CNTN5: variants seen among roughly 807,000 people sequenced by gnomAD.
CNTN5 encodes contactin 5, also known as contactin-5.
Under a neutral mutation model 129.1 loss-of-function variants are expected in CNTN5, and 77 were observed. The observed-to-expected ratio is 0.60, with a 90% CI of 0.50 to 0.72. The LOEUF (loss-of-function observed/expected upper bound fraction) is 0.72, where lower values mean the gene tolerates loss of function less well. CNTN5 is among the 30% of genes least tolerant of loss of function. The probability of loss-of-function intolerance (pLI) is 0.00; values close to 1 mark genes in which losing one functional copy is unlikely to be tolerated. For missense variants in CNTN5, 1,478 were observed against 1,328.8 expected (o/e 1.11, Z -1.75); for synonymous variants, 509 against 465.6 (o/e 1.09, Z -1.20).
intron 2 of CNTN5, among the ~76,000 whole-genome samples, chr11:99,330,952 A>G (rs1865974479): frequency 6.6e-6 from 1 of 152,072 alleles, no homozygotes; most frequent in Non-Finnish European, 1.5e-5. Context: ...ACATGTGCAC[A>G]CACACACATT....
chr11:99,757,315 T>G (rs187879747), intron 3 of CNTN5, among the ~76,000 whole-genome samples: 1 of 152,156 alleles, frequency 6.6e-6, no homozygotes, highest in East Asian at 1.9e-4. Flanking sequence ...TAATTAATTA[T>G]AAGTTCATTT....
chr11:99,159,640 CAAAT>C (rs1330023214), intron 1 of CNTN5, among the ~76,000 whole-genome samples: 2 of 152,014 alleles, frequency 1.3e-5, no homozygotes, highest in Admixed American at 1.3e-4. Context: ...AATAAATAAA[CAAAT>C]AAAGTATAGT....
At chr11:99,438,976 C>T (rs940487682) in intron 2 of CNTN5, among the ~76,000 whole-genome samples, 4 of 152,042 alleles carry the variant, frequency 2.6e-5, no homozygotes, top group African/African-American at 4.8e-5. Context: ...CAAAATCACA[C>T]ATAAGTTAAA....
chr11:100,211,223 G>A (rs1949023288), intron 15 of CNTN5, among the ~76,000 whole-genome samples: 1 of 152,044 alleles, frequency 6.6e-6, no homozygotes, highest in Admixed American at 6.6e-5. Flanking sequence ...CAGTAGTAAA[G>A]GTAACATGCT....
chr11:99,089,039 A>C (rs1002172006), intron 1 of CNTN5, among the ~76,000 whole-genome samples: 1 of 147,814 alleles, frequency 6.8e-6, no homozygotes, highest in African/African-American at 2.4e-5. Flanking sequence ...TAACCGATTA[A>C]AAAAATTGAA....
rs756516824 is a variant in CNTN5 at position 100,357,086 on chromosome 11, A to G, written c.*866A>G. The G allele has an allele frequency of 1.3e-5, 2 of 151,756 alleles. No individual in the cohort carries two copies. Among genetic ancestry groups the G allele is most frequent in the Non-Finnish European group, 2.9e-5 (2 of 67,802 alleles). 9.4% of individuals were successfully genotyped at this position (151,756 alleles called of 1,614,324 possible). ...TGGGACAGAGCGTTTCCATTTCTTT[A>G]CCTACTGCCAAAACAGATGTTGAAT... On this transcript the variant is annotated 3_prime_UTR_variant, in exon 25 of 25. Coordinates refer to ENST00000524871, the MANE Select transcript of CNTN5 (RefSeq NM_014361.4).
At chr11:99,798,470 A>G (rs1804148394) in intron 3 of CNTN5, among the ~76,000 whole-genome samples, 1 of 152,174 alleles carries the variant, frequency 6.6e-6, no homozygotes, top group African/African-American at 2.4e-5. Flanking sequence ...GGTCCAGGTC[A>G]TTCTTCTGCG....
At chr11:100,106,875 C>T (rs1474687065) in intron 13 of CNTN5, among the ~76,000 whole-genome samples, 1 of 151,934 alleles carries the variant, frequency 6.6e-6, no homozygotes, top group Non-Finnish European at 1.5e-5. Flanking sequence ...AGTAAAATAT[C>T]CTACTGTTTT....
chr11:100,054,172 G>T (rs867955613), intron 9 of CNTN5, among the ~76,000 whole-genome samples: 9 of 151,628 alleles, frequency 5.9e-5, no homozygotes, highest in African/African-American at 2.2e-4. Context: ...AGTGAGAGCA[G>T]CACAAAAGAA....
intron 3 of CNTN5, among the ~76,000 whole-genome samples, chr11:99,769,796 A>G (rs1238780987): frequency 1.4e-5 from 2 of 142,698 alleles, no homozygotes; most frequent in African/African-American, 2.7e-5. Context: ...AGACTGGGCA[A>G]TAGAGTGAGA....
intron 9 of CNTN5, among the ~76,000 whole-genome samples, chr11:100,057,750 C>T (rs1417962592): frequency 6.6e-6 from 1 of 151,922 alleles, no homozygotes; most frequent in East Asian, 1.9e-4. Flanking sequence ...GGTCCGTGCT[C>T]CTAACCAATA....
chr11:100,195,667 A>G lies in CNTN5; in HGVS notation c.1884+2004A>G, dbSNP rs571128030. ...TTTAGCTTTAAGGTATAAAGCCAAA[A>G]TATACTTTTAGTATGCATATGTATT... On this transcript the variant is annotated intron_variant, in intron 15 of 24. Transcript: ENST00000524871. Among the ~76,000 whole-genome samples, 3 of 152,114 alleles carry G rather than the reference A, an allele frequency of 2.0e-5. No homozygotes were observed. The East Asian group carries it at 5.8e-4, about 30-fold the overall frequency.
chr11:99,467,531 G>C (rs56778751), intron 2 of CNTN5, among the ~76,000 whole-genome samples: 1 of 151,972 alleles, frequency 6.6e-6, no homozygotes, highest in African/African-American at 2.4e-5. Flanking sequence ...TCATCTGCTC[G>C]GTTAACTCAT....
intron 3 of CNTN5, among the ~76,000 whole-genome samples, chr11:99,813,400 A>G (rs1321034164): frequency 2.0e-5 from 3 of 152,172 alleles, no homozygotes; most frequent in African/African-American, 4.8e-5. Flanking sequence ...GATTTACCAA[A>G]TGGTCTATCT....
chr11:100,166,944 C>T (rs1354655556), intron 13 of CNTN5, among the ~76,000 whole-genome samples: 1 of 151,714 alleles, frequency 6.6e-6, no homozygotes, highest in Non-Finnish European at 1.5e-5. Context: ...AAAGAAATTG[C>T]CTGTAAGTGA....
chr11:99,309,485 T>C (rs1686809382), intron 1 of CNTN5, among the ~76,000 whole-genome samples: 1 of 152,252 alleles, frequency 6.6e-6, no homozygotes, highest in Non-Finnish European at 1.5e-5. Flanking sequence ...CTTCACTTGC[T>C]TTCTGCCTCC....
rs537369741 is a variant in CNTN5 at position 99,712,603 on chromosome 11, TGGTTTTA to T, written c.56-106928_56-106922del. Among the ~76,000 whole-genome samples, 300 of 152,298 alleles carry T rather than the reference TGGTTTTA, an allele frequency of 2.0e-3. 1 individual carries two copies. The highest frequency in any genetic ancestry group is 4.7e-3 in the African/African-American group (197 of 41,576). ...CCTAGGTTTTCTTCTAGGGTTTTTA[TGGTTTTA>T]GGTTTTAGGTTTAAGTCTTTAATCC... On this transcript the variant is annotated intron_variant, in intron 3 of 24. Transcript: ENST00000524871.
In CNTN5 at chr11:99,624,169, T is replaced by C. The variant is rs114422526; in HGVS notation, c.55+67900T>C. 3.0e-3 allele frequency among the ~76,000 whole-genome samples: 454 copies of C among 152,208 alleles called. 2 individuals carry two copies. The highest frequency in any genetic ancestry group is 0.01 in the African/African-American group (420 of 41,538). ...TTTTGTACTGTGTCCTTAGGAATAC[T>C]GAGTGGTCTTTGAAAGCAGAACCTA... is the stretch of plus-strand genomic sequence containing the variant. On this transcript the variant is annotated intron_variant, in intron 3 of 24. Transcript: ENST00000524871.
At chr11:99,726,360 A>G (rs186452941) in intron 3 of CNTN5, among the ~76,000 whole-genome samples, 2 of 152,300 alleles carry the variant, frequency 1.3e-5, no homozygotes, top group East Asian at 3.9e-4. Flanking sequence ...TGGCTCTGTT[A>G]TGTTTACCCC....
Sources: allele counts gnomAD v4.1 joint callset (sites outside exome capture counted in the v4.1 genomes callset), GRCh38; gene constraint gnomAD v4.1.1; transcripts MANE v1.5; gene names NCBI Gene and HGNC (gene_info 2026-07-23, HGNC 2026-07-21).